CSNK1E: variants seen among roughly 807,000 people sequenced by gnomAD.
The protein encoded by CSNK1E is casein kinase I isoform epsilon.
CSNK1E carries 17 observed loss-of-function variants against 46.1 expected under a neutral mutation model. The ratio of observed to expected loss-of-function variants is 0.37; its 90% CI spans 0.25 to 0.55. The LOEUF is 0.55. Ranked by LOEUF, CSNK1E falls within the 20% of genes least tolerant of loss-of-function variation. The probability of loss-of-function intolerance (pLI) is 0.82; values close to 1 mark genes in which losing one functional copy is unlikely to be tolerated. For synonymous variants in CSNK1E, 241 were observed against 242.6 expected (o/e 0.99, Z 0.06); for missense variants, 386 against 595.4 (o/e 0.65, Z 3.66).
At chr22:38,313,168 C>T (rs1295106527) in intron 2 of CSNK1E, among the ~76,000 whole-genome samples, 1 of 152,182 alleles carries the variant, frequency 6.6e-6, no homozygotes, top group African/African-American at 2.4e-5. Flanking sequence ...CTGATGGACA[C>T]GACACACAGA....
At chr22:38,301,667 C>T (rs1219529000) in intron 4 of CSNK1E, among the ~76,000 whole-genome samples, 2 of 152,126 alleles carry the variant, frequency 1.3e-5, no homozygotes, top group East Asian at 3.9e-4. Flanking sequence ...CTCCCGATCT[C>T]AGGAGATCCG....
At chr22:38,293,343 A>G (rs1314655092) in intron 9 of CSNK1E, 24 bp from the exon 10 acceptor site, 3 of 1,325,628 alleles carry the variant, frequency 2.3e-6, no homozygotes, top group Non-Finnish European at 2.2e-6. Context: ...GGAGGGAGAG[A>G]GGGGGAGGGA....
chr22:38,317,707 A>G (rs1225925054), upstream of CSNK1E, among the ~76,000 whole-genome samples: 1 of 151,936 alleles, frequency 6.6e-6, no homozygotes, highest in Admixed American at 6.6e-5. Flanking sequence ...AGGGCGCACA[A>G]AAAGCGGAGG....
At position 38,300,139 on chromosome 22, in the gene CSNK1E, T is replaced by A; in HGVS notation, c.566-74A>T. On this transcript the variant is annotated intron_variant, in intron 5 of 10. Coordinates refer to ENST00000396832, the MANE Select transcript of CSNK1E (RefSeq NM_152221.3). The surrounding 1 kb of genome is among the most constrained non-coding windows in gnomAD (Gnocchi z 4.4). The stretch of plus-strand genomic sequence containing the variant: ...CCCTAACTCATCCTCTGGGTCATGC[T>A]CCTCACAATGCACCAGGACCCTCCT... 6.9e-7 allele frequency: 1 copy of A among 1,445,102 alleles called. No individual in the cohort carries two copies. The highest frequency in any genetic ancestry group is 9.5e-7 in the Non-Finnish European group (1 of 1,054,800). The allele number at this position is 1,445,102 out of a possible 1,614,324, so 89.5% of individuals were successfully genotyped here. A position where few individuals can be genotyped will look rare whatever the true frequency, so the allele number is the denominator to read the frequency against.
rs1173109442 is a variant in CSNK1E at position 38,290,883 on chromosome 22, A to G, written c.*1088T>C. The G allele has an allele frequency of 1.3e-5, 2 of 152,162 alleles. No homozygotes were observed. The highest frequency in any genetic ancestry group is 2.9e-5 in the Non-Finnish European group (2 of 67,970). The allele number at this position is 152,162 out of a possible 1,614,324, so 9.4% of individuals were successfully genotyped here. A position where few individuals can be genotyped will look rare whatever the true frequency, so the allele number is the denominator to read the frequency against. On this transcript the variant is annotated 3_prime_UTR_variant, in exon 11 of 11. Coordinates refer to ENST00000396832, the MANE Select transcript of CSNK1E (RefSeq NM_152221.3). ...TAAAAAAAAAAAGGAAAAAGGGGAA[A>G]CAGAGGTAAATAAATTAGGAAAACA...
Position 38,314,098 on chromosome 22 carries a change from G to A in CSNK1E, c.60C>T (p.Phe20=), listed in dbSNP as rs377114359. Residue 20 remains phenylalanine, a synonymous_variant, in exon 2 of 11, where the codon TTC becomes TTT. Coordinates refer to ENST00000396832, the MANE Select transcript of CSNK1E (RefSeq NM_152221.3). ...AACACTTACCCAGGTAGATATCTCC[G>A]AAGGACCCGCTCCCGATCTTCCGTC... ...RLGRKIGSGS[F]GDIYLGANIA... 2.4e-5 allele frequency: 39 copies of A among 1,613,892 alleles called. No individual in the cohort carries two copies. In the Middle Eastern group the frequency reaches 4.9e-4, roughly 20 times the overall value.
In CSNK1E at chr22:38,294,346, C is replaced by A; in HGVS notation, c.1074G>T (p.Pro358=). Reference sequence around the variant, plus strand: ...ACTGCCTGAGTCCCTGCTCACCAGCCGGCTGGATGCGGGAGGCTGGCGTGG... The same window carrying A: ...ACTGCCTGAGTCCCTGCTCACCAGCAGGCTGGATGCGGGAGGCTGGCGTGG... The part of the protein sequence containing the change: ...VASTPASRIQ[P]AGNTSPRAIS... Residue 358 remains proline, a synonymous_variant, in exon 8 of 11, where the codon CCG becomes CCT. Coordinates refer to ENST00000396832, the MANE Select transcript of CSNK1E (RefSeq NM_152221.3). The surrounding 1 kb of genome is among the most constrained non-coding windows in gnomAD (Gnocchi z 5.5). 3 of 1,572,968 alleles carry A rather than the reference C, an allele frequency of 1.9e-6. No homozygotes were observed. Among genetic ancestry groups the A allele is most frequent in the South Asian group, 2.3e-5 (2 of 87,046 alleles).
intron 1 of CSNK1E, among the ~76,000 whole-genome samples, chr22:38,315,943 C>T (rs2092743298): frequency 6.6e-6 from 1 of 152,086 alleles, no homozygotes; most frequent in South Asian, 2.1e-4. Context: ...GCCAGCCACC[C>T]AGACCCCCAG....
chr22:38,296,252 A>G, intron 7 of CSNK1E: 1 of 1,146,378 alleles, frequency 8.7e-7, no homozygotes, highest in Non-Finnish European at 1.1e-6. Context: ...AAAGGTCAGC[A>G]AAGTCACACG....
Position 38,303,270 on chromosome 22 carries a change from G to C in CSNK1E, c.77-22C>G. On this transcript the variant is annotated intron_variant, in intron 2 of 10. Coordinates refer to ENST00000396832, the MANE Select transcript of CSNK1E (RefSeq NM_152221.3). The surrounding 1 kb of genome is among the most constrained non-coding windows in gnomAD (Gnocchi z 4.7). ...GCACCTGCCCGGGGCAGGGAGGCAA[G>C]GGACCAGGGTCACCCTCAAAGGCCA... 6.3e-7 allele frequency: 1 copy of C among 1,575,784 alleles called. No homozygotes were observed. Among genetic ancestry groups the C allele is most frequent in the Non-Finnish European group, 8.6e-7 (1 of 1,161,486 alleles).
At position 38,317,399 on chromosome 22, in the gene CSNK1E, G is replaced by GCCCA. The variant is rs1569086008; in HGVS notation, c.-253_-252insTGGG. 8.7e-4 allele frequency: 21 copies of GCCCA among 24,070 alleles called. No individual in the cohort carries two copies. Among genetic ancestry groups the GCCCA allele is most frequent in the African/African-American group, 3.2e-3 (20 of 6,258 alleles). 1.5% of individuals were successfully genotyped at this position (24,070 alleles called of 1,614,324 possible). A position where few individuals can be genotyped will look rare whatever the true frequency, so the allele number is the denominator to read the frequency against. ...CCTCCCTCCTCCCGGCCTCCTGCCC[G>GCCCA]CCCGCCCGCCCCCGCCGCCGGCTCG... is the stretch of plus-strand genomic sequence containing the variant. On this transcript the variant is annotated 5_prime_UTR_variant, in exon 1 of 11. Coordinates refer to ENST00000396832, the MANE Select transcript of CSNK1E (RefSeq NM_152221.3).
intron 7 of CSNK1E, chr22:38,296,584 C>T: frequency 6.2e-7 from 1 of 1,612,820 alleles, no homozygotes; most frequent in South Asian, 1.1e-5. Flanking sequence ...AAGGATAAGG[C>T]TGTGGGTGCC....
At chr22:38,314,929 C>A (rs567693784) in intron 1 of CSNK1E, among the ~76,000 whole-genome samples, 1 of 152,172 alleles carries the variant, frequency 6.6e-6, no homozygotes, top group African/African-American at 2.4e-5. Flanking sequence ...GGCAAAAGTC[C>A]GGACACCCTG....
chr22:38,314,041 G>A, intron 2 of CSNK1E, 41 bp downstream of exon 2: 8 of 1,559,216 alleles, frequency 5.1e-6, no homozygotes, highest in Non-Finnish European at 7.1e-6. Flanking sequence ...TGGTCCCATG[G>A]GCTGGCCCCA....
Position 38,298,940 on chromosome 22 carries a change from G to A in CSNK1E, c.737-6C>T, listed in dbSNP as rs751716085. The A allele has an allele frequency of 2.5e-6, 4 of 1,613,998 alleles. No individual in the cohort carries two copies. The highest frequency in any genetic ancestry group is 3.4e-6 in the Non-Finnish European group (4 of 1,179,996). ...GAGGTATGTTGAGAATTCGGCTGGA[G>A]GGTGTTGCAGAGGATAGAGAAGGCC... On this transcript the variant is annotated splice_region_variant and splice_polypyrimidine_tract_variant and intron_variant, in intron 6 of 10. Coordinates refer to ENST00000396832, the MANE Select transcript of CSNK1E (RefSeq NM_152221.3). The surrounding 1 kb of genome is among the most constrained non-coding windows in gnomAD (Gnocchi z 4.2).
intron 1 of CSNK1E, among the ~76,000 whole-genome samples, chr22:38,316,378 C>T (rs1372091799): frequency 6.6e-6 from 1 of 152,200 alleles, no homozygotes; most frequent in Non-Finnish European, 1.5e-5. Context: ...CTTCTCCTCT[C>T]TCCAAATCCT....
chr22:38,312,056 G>A (rs1202085431), intron 2 of CSNK1E, among the ~76,000 whole-genome samples: 9 of 152,024 alleles, frequency 5.9e-5, no homozygotes, highest in South Asian at 2.1e-4. Context: ...TGCCCGCCTC[G>A]GCCTCCCAAA....
intron 2 of CSNK1E, among the ~76,000 whole-genome samples, chr22:38,313,418 G>A (rs966755684): frequency 1.3e-5 from 2 of 152,230 alleles, no homozygotes; most frequent in Non-Finnish European, 2.9e-5. Flanking sequence ...ACTCATGACC[G>A]TGCCCCTCAG....
chr22:38,306,097 G>A (rs2092697573), intron 2 of CSNK1E, among the ~76,000 whole-genome samples: 2 of 152,158 alleles, frequency 1.3e-5, no homozygotes, highest in Non-Finnish European at 2.9e-5. Flanking sequence ...GCACACAAGT[G>A]GAAAGATCTC....
Sources: gnomAD v4.1 joint callset for allele counts (sites outside exome capture counted in the v4.1 genomes callset) on GRCh38, gnomAD v4.1.1 for gene constraint, Gnocchi (gnomAD v3.1) non-coding constraint, MANE v1.5 for transcripts, NCBI Gene and HGNC (gene_info 2026-07-23, HGNC 2026-07-21) for gene names.